SRGAP2: variants seen among roughly 807,000 people sequenced by gnomAD.
The protein encoded by SRGAP2 is SLIT-ROBO Rho GTPase activating protein 2.
SRGAP2 carries 15 observed loss-of-function variants against 57.2 expected under a neutral mutation model. That is an observed-to-expected ratio of 0.26 (90% CI 0.18 to 0.40). The LOEUF is 0.40. Ranked by LOEUF, SRGAP2 falls within the 10% of genes least tolerant of loss-of-function variation. The pLI is 1.00. For missense variants in SRGAP2, 520 were observed against 669.6 expected (o/e 0.78, Z 2.47); for synonymous variants, 249 against 248.0 (o/e 1.00, Z -0.04).
intron 11 of SRGAP2, among the ~76,000 whole-genome samples, chr1:206,418,973 A>C: frequency 7.1e-6 from 1 of 140,472 alleles, no homozygotes; most frequent in Non-Finnish European, 1.6e-5. Context: ...CTTCCACCCC[A>C]CCACACACAC....
At chr1:206,437,146 C>T (rs1661835905) in intron 15 of SRGAP2, 104 bp downstream of exon 15, 2 of 745,736 alleles carry the variant, frequency 2.7e-6, no homozygotes, top group Non-Finnish European at 5.0e-6. Flanking sequence ...AGGAAGCCAA[C>T]TTCCCTGTCT....
chr1:206,245,205 A>G (rs1412534186), intron 2 of SRGAP2, among the ~76,000 whole-genome samples: 2 of 140,490 alleles, frequency 1.4e-5, no homozygotes, highest in Admixed American at 7.1e-5. Flanking sequence ...AAGTTTTCCT[A>G]CTAGGAACTT....
chr1:206,326,421 G>T (rs1366012687), intron 3 of SRGAP2, among the ~76,000 whole-genome samples: 1 of 152,102 alleles, frequency 6.6e-6, no homozygotes, highest in Non-Finnish European at 1.5e-5. Context: ...GCTCCCTCTG[G>T]GTTCATGGAC....
At chr1:206,341,814 A>G (rs554285699) in intron 3 of SRGAP2, among the ~76,000 whole-genome samples, 8 of 152,254 alleles carry the variant, frequency 5.3e-5, no homozygotes, top group African/African-American at 1.9e-4. Context: ...CATGGTCAAC[A>G]TGGTGAAAAC....
At chr1:206,421,109 G>C in intron 12 of SRGAP2, 141 bp from the exon 13 acceptor site, 1 of 535,990 alleles carries the variant, frequency 1.9e-6, no homozygotes, top group Non-Finnish European at 3.4e-6. Flanking sequence ...TGTTTCATTG[G>C]CTACCACACA....
intron 12 of SRGAP2, 129 bp from the exon 13 acceptor site, chr1:206,421,121 A>T: frequency 1.8e-6 from 1 of 551,352 alleles, no homozygotes; most frequent in South Asian, 2.5e-5. Context: ...TACCACACAG[A>T]TTTTTTTTAA....
chr1:206,446,243 C>T lies in SRGAP2; in HGVS notation c.2043C>T (p.Ser681=), dbSNP rs782575682. The change falls in exon 18 of 23, where the codon AGC becomes AGT. Residue 681 remains serine, a synonymous_variant. Coordinates refer to ENST00000573034, the MANE Select transcript of SRGAP2 (RefSeq NM_015326.5). ...TCCAGCATGAGAACATCTTCCCAAGCCCCAGGGAGCTGGAGGGCCCTGTCT... is the reference window on the plus strand; with the variant it reads ...TCCAGCATGAGAACATCTTCCCAAGTCCCAGGGAGCTGGAGGGCCCTGTCT... ...IIIQHENIFP[S]PRELEGPVYS... 2 of 780,792 alleles carry T rather than the reference C, an allele frequency of 2.6e-6. No individual in the cohort carries two copies. Among genetic ancestry groups the T allele is most frequent in the South Asian group, 1.3e-5 (1 of 74,624 alleles). 48.4% of individuals were successfully genotyped at this position (780,792 alleles called of 1,614,324 possible). A position where few individuals can be genotyped will look rare whatever the true frequency, so the allele number is the denominator to read the frequency against.
intron 2 of SRGAP2, among the ~76,000 whole-genome samples, chr1:206,237,736 A>G (rs1348816600): frequency 6.1e-5 from 9 of 146,470 alleles, no homozygotes; most frequent in African/African-American, 2.3e-4. Context: ...GAAGCAGCCA[A>G]CCTGGCTGGT....
At chr1:206,324,642 G>A (rs1425897163) in intron 3 of SRGAP2, among the ~76,000 whole-genome samples, 1 of 152,158 alleles carries the variant, frequency 6.6e-6, no homozygotes, top group African/African-American at 2.4e-5. Context: ...GACAGGGAGC[G>A]TGTTCCTTGG....
At chr1:206,419,751 A>C (rs1228675724) in intron 12 of SRGAP2, among the ~76,000 whole-genome samples, 1 of 151,882 alleles carries the variant, frequency 6.6e-6, no homozygotes, top group Non-Finnish European at 1.5e-5. Context: ...AGACTTCAAC[A>C]TAGGGGCTCT....
At chr1:206,423,118 A>G (rs1660460756) in intron 13 of SRGAP2, among the ~76,000 whole-genome samples, 1 of 152,214 alleles carries the variant, frequency 6.6e-6, no homozygotes, top group African/African-American at 2.4e-5. Context: ...ACCCTGTCAA[A>G]GACTAGGTTT....
At chr1:206,303,171 A>G in intron 2 of SRGAP2, 110 bp from the exon 3 acceptor site, 1 of 523,338 alleles carries the variant, frequency 1.9e-6, no homozygotes, top group African/African-American at 2.2e-5. Context: ...CAGGGCTTTC[A>G]ATTTCCCAGG....
At chr1:206,236,860 G>A (rs1370702387) in intron 2 of SRGAP2, among the ~76,000 whole-genome samples, 8 of 107,334 alleles carry the variant, frequency 7.5e-5, no homozygotes, top group African/African-American at 3.2e-4. Context: ...CTTTAAAAAC[G>A]AAGACAAAAC....
intron 2 of SRGAP2, among the ~76,000 whole-genome samples, chr1:206,240,276 A>G (rs1393490762): frequency 6.6e-6 from 1 of 150,840 alleles, no homozygotes; most frequent in East Asian, 1.9e-4. Flanking sequence ...AAAAAAAAAA[A>G]AAAAAAAAAG....
chr1:206,346,667 C>T (rs1675653739), intron 4 of SRGAP2, among the ~76,000 whole-genome samples: 1 of 151,952 alleles, frequency 6.6e-6, no homozygotes, highest in South Asian at 2.1e-4. Flanking sequence ...GAAAAGATAC[C>T]TTAATTTGTG....
intron 10 of SRGAP2, among the ~76,000 whole-genome samples, chr1:206,410,107 GATCA>G (rs1365025075): frequency 6.6e-6 from 1 of 152,022 alleles, no homozygotes; most frequent in African/African-American, 2.4e-5. Context: ...CATCTCAATC[GATCA>G]ATCAATCAAT....
chr1:206,291,317 T>C (rs1271447327), intron 2 of SRGAP2, among the ~76,000 whole-genome samples: 1 of 152,168 alleles, frequency 6.6e-6, no homozygotes, highest in African/African-American at 2.4e-5. Context: ...TGGTCCCTCG[T>C]TGTGAAATGG....
chr1:206,290,641 CA>C (rs1237811129), intron 2 of SRGAP2, among the ~76,000 whole-genome samples: 2,232 of 45,094 alleles, frequency 0.049, 5 homozygotes, highest in African/African-American at 0.07. Context: ...GACTCCATCT[CA>C]AAAAAAAAAA....
chr1:206,445,976 G>T (rs1053200471), intron 17 of SRGAP2, 99 bp from the exon 18 acceptor site: 43 of 687,306 alleles, frequency 6.3e-5, no homozygotes, highest in Non-Finnish European at 1.2e-4. Context: ...GCAATTTGTG[G>T]ACCTTCTGCT....
Sources: allele counts gnomAD v4.1 joint callset (sites outside exome capture counted in the v4.1 genomes callset), GRCh38; gene constraint gnomAD v4.1.1; transcripts MANE v1.5; gene names NCBI Gene and HGNC (gene_info 2026-07-23, HGNC 2026-07-21).